The following GRID2 variants were observed in gnomAD, a reference collection of about 807,000 sequenced individuals.
The protein encoded by GRID2 is glutamate ionotropic receptor delta type subunit 2.
Under a neutral mutation model 114.8 loss-of-function variants are expected in GRID2, and 33 were observed. The observed-to-expected ratio is 0.29, with a 90% CI of 0.22 to 0.38. The LOEUF (loss-of-function observed/expected upper bound fraction) is 0.38, where lower values mean the gene tolerates loss of function less well. Among genes scored for constraint, GRID2 ranks in the 10% least tolerant of loss-of-function variants. The probability of loss-of-function intolerance (pLI) is 1.00; values close to 1 mark genes in which losing one functional copy is unlikely to be tolerated. For synonymous variants in GRID2, 505 were observed against 449.9 expected (o/e 1.12, Z -1.55); for missense variants, 1,184 against 1,257.7 (o/e 0.94, Z 0.89).
At chr4:93,760,959 C>G (rs1733156479) in intron 14 of GRID2, among the ~76,000 whole-genome samples, 1 of 152,162 alleles carries the variant, frequency 6.6e-6, no homozygotes, top group South Asian at 2.1e-4. Flanking sequence ...ATAAGTGAGG[C>G]AGTCATCTTT....
chr4:93,430,411 C>T lies in GRID2; in HGVS notation c.1545+7443C>T, dbSNP rs531531950. Among the ~76,000 whole-genome samples, 6 of 152,292 alleles carry T rather than the reference C, an allele frequency of 3.9e-5. No homozygotes were observed. The South Asian group carries it at 1.2e-3, about 32-fold the overall frequency. ...GGCCAGGATGGTCCTGAACTCCTGA[C>T]CTCAGGTGATCTGCCCGCCTCAGCA... On this transcript the variant is annotated intron_variant, in intron 10 of 15. Transcript: ENST00000282020.
chr4:92,901,059 C>G (rs1578420881), intron 2 of GRID2, among the ~76,000 whole-genome samples: 2 of 152,020 alleles, frequency 1.3e-5, no homozygotes, highest in Middle Eastern at 6.8e-3. Context: ...ATATTTTATA[C>G]AATAATTTTT....
intron 8 of GRID2, among the ~76,000 whole-genome samples, chr4:93,321,892 A>G (rs922673500): frequency 6.6e-6 from 1 of 151,922 alleles, no homozygotes; most frequent in Non-Finnish European, 1.5e-5. Context: ...GTTGTTACTT[A>G]TAATTTCTAT....
intron 2 of GRID2, among the ~76,000 whole-genome samples, chr4:93,075,883 CTTTTTTTTTTTTTTTTTTTTTTTT>C (rs10706922): frequency 1.3e-5 from 1 of 76,606 alleles, no homozygotes; most frequent in East Asian, 4.1e-4. Context: ...AGTTACCTCT[CTTTTTTTTTTTTTTTTTTTTTTTT>C]TTTTTTTTTT....
intron 2 of GRID2, among the ~76,000 whole-genome samples, chr4:92,714,406 G>C (rs1735428511): frequency 1.3e-5 from 2 of 152,168 alleles, no homozygotes; most frequent in African/African-American, 4.8e-5. Flanking sequence ...CATTATGCAA[G>C]CTGTCAGTGG....
At chr4:93,616,091 A>G (rs1425885416) in intron 13 of GRID2, among the ~76,000 whole-genome samples, 1 of 152,144 alleles carries the variant, frequency 6.6e-6, no homozygotes, top group Non-Finnish European at 1.5e-5. Flanking sequence ...CATCTCTATT[A>G]AGTAAAAATC....
At chr4:93,206,208 T>C (rs994047327) in intron 4 of GRID2, among the ~76,000 whole-genome samples, 1 of 152,108 alleles carries the variant, frequency 6.6e-6, no homozygotes, top group African/African-American at 2.4e-5. Flanking sequence ...TGGAATAGTA[T>C]GAAACTTGTA....
chr4:93,671,826 T>A (rs1203405861), intron 14 of GRID2, among the ~76,000 whole-genome samples: 8 of 150,350 alleles, frequency 5.3e-5, no homozygotes, highest in East Asian at 2.0e-4. Context: ...AAAAAAAAAA[T>A]TTTGCCAGGC....
At chr4:93,578,207 G>A (rs372717471) in intron 13 of GRID2, among the ~76,000 whole-genome samples, 7 of 152,094 alleles carry the variant, frequency 4.6e-5, no homozygotes, top group African/African-American at 1.7e-4. Flanking sequence ...TTGTCTGCAC[G>A]GGATTGCGCT....
intron 2 of GRID2, among the ~76,000 whole-genome samples, chr4:92,647,306 A>C (rs1731695201): frequency 1.3e-5 from 2 of 150,870 alleles, no homozygotes. Flanking sequence ...TACTATTGTA[A>C]GATTTTTTTT....
At chr4:92,869,487 A>G (rs776715849) in intron 2 of GRID2, among the ~76,000 whole-genome samples, 4 of 152,220 alleles carry the variant, frequency 2.6e-5, no homozygotes, top group African/African-American at 4.8e-5. Context: ...TATACCTTCT[A>G]TTTGAAACAG....
intron 13 of GRID2, among the ~76,000 whole-genome samples, chr4:93,536,998 C>T (rs1423408181): frequency 6.6e-6 from 1 of 151,442 alleles, no homozygotes; most frequent in African/African-American, 2.4e-5. Flanking sequence ...TTTAATTAGA[C>T]TTCTTTGCAA....
chr4:92,356,048 C>A (rs1385028354), intron 1 of GRID2, among the ~76,000 whole-genome samples: 1 of 151,580 alleles, frequency 6.6e-6, no homozygotes, highest in African/African-American at 2.4e-5. Flanking sequence ...ATTTTGAAAT[C>A]TAGATCTTAT....
At chr4:93,552,199 G>A (rs1254482793) in intron 13 of GRID2, among the ~76,000 whole-genome samples, 7 of 151,920 alleles carry the variant, frequency 4.6e-5, no homozygotes, top group Admixed American at 2.6e-4. Flanking sequence ...TCCCTACAAA[G>A]GACATGAACT....
intron 2 of GRID2, among the ~76,000 whole-genome samples, chr4:93,083,382 A>G (rs1455382516): frequency 6.6e-6 from 1 of 152,078 alleles, no homozygotes; most frequent in African/African-American, 2.4e-5. Context: ...ATTAGACCTC[A>G]CAATGTTATG....
intron 8 of GRID2, among the ~76,000 whole-genome samples, chr4:93,304,255 TAA>T (rs1755176372): frequency 1.8e-4 from 12 of 65,858 alleles, no homozygotes; most frequent in Middle Eastern, 0.014. Flanking sequence ...AATAATATTT[TAA>T]ATATATATAT....
chr4:93,800,724 AT>A lies in GRID2; in HGVS notation c.222-5987del, dbSNP rs1734911652. Among the ~76,000 whole-genome samples the A allele has an allele frequency of 5.9e-5, 9 of 152,326 alleles. No individual in the cohort carries two copies. The South Asian group carries it at 1.9e-3, about 32-fold the overall frequency. On this transcript the variant is annotated intron_variant, in intron 1 of 1. Transcript: ENST00000637838. ...AAGAGACATTATAGTGATGAAAGTT[AT>A]TTTATAATTATTCCCAGTTTGTTAA... is the stretch of plus-strand genomic sequence containing the variant.
chr4:93,455,447 A>G (rs1245950756), intron 10 of GRID2, among the ~76,000 whole-genome samples: 4 of 152,156 alleles, frequency 2.6e-5, no homozygotes, highest in Non-Finnish European at 5.9e-5. Context: ...TGAACAAGGT[A>G]ATTTGTCTGA....
At chr4:93,047,829 T>C (rs1321892676) in intron 2 of GRID2, among the ~76,000 whole-genome samples, 3 of 151,378 alleles carry the variant, frequency 2.0e-5, no homozygotes, top group Non-Finnish European at 4.4e-5. Flanking sequence ...GGTAGATGAA[T>C]ACTCTAATTT....
Sources: gnomAD v4.1 joint callset for allele counts (sites outside exome capture counted in the v4.1 genomes callset) on GRCh38, gnomAD v4.1.1 for gene constraint, MANE v1.5 for transcripts, NCBI Gene and HGNC (gene_info 2026-07-23, HGNC 2026-07-21) for gene names.